Variants in GALNT1 observed in about 807,000 individuals in gnomAD.
GALNT1 encodes polypeptide N-acetylgalactosaminyltransferase 1, also known as GalNAc transferase 1.
Under a neutral mutation model 65.7 loss-of-function variants are expected in GALNT1, and 17 were observed. The ratio of observed to expected loss-of-function variants is 0.26; its 90% CI spans 0.18 to 0.39. GALNT1 has a LOEUF of 0.39. Ranked by LOEUF, GALNT1 falls within the 10% of genes least tolerant of loss-of-function variation. The pLI is 1.00. For missense variants in GALNT1, 460 were observed against 672.8 expected (o/e 0.68, Z 3.50); for synonymous variants, 210 against 219.7 (o/e 0.96, Z 0.39).
chr18:35,617,175 T>C (rs2046793804), intron 1 of GALNT1, among the ~76,000 whole-genome samples: 1 of 152,152 alleles, frequency 6.6e-6, no homozygotes, highest in African/African-American at 2.4e-5. Flanking sequence ...AATCATTTAT[T>C]ACAGGTATTT....
intron 1 of GALNT1, among the ~76,000 whole-genome samples, chr18:35,636,763 T>G (rs1440836276): frequency 6.7e-6 from 1 of 149,878 alleles, no homozygotes; most frequent in Non-Finnish European, 1.5e-5. Context: ...TGTTTTATTG[T>G]ACTTCACAGA....
chr18:35,653,323 G>A (rs2047334521), intron 1 of GALNT1, among the ~76,000 whole-genome samples: 1 of 152,206 alleles, frequency 6.6e-6, no homozygotes, highest in African/African-American at 2.4e-5. Flanking sequence ...TTGCTCTCTA[G>A]CAACCTTGTG....
intron 1 of GALNT1, among the ~76,000 whole-genome samples, chr18:35,631,091 C>A (rs2047001176): frequency 6.6e-6 from 1 of 152,136 alleles, no homozygotes; most frequent in Non-Finnish European, 1.5e-5. Flanking sequence ...AAGTCCAGAA[C>A]CGGCAGATTC....
At chr18:35,702,422 C>T (rs1379505179) in intron 9 of GALNT1, among the ~76,000 whole-genome samples, 1 of 152,134 alleles carries the variant, frequency 6.6e-6, no homozygotes, top group Non-Finnish European at 1.5e-5. Flanking sequence ...ATGTAATCCA[C>T]AAATGTCTAG....
chr18:35,687,961 C>CA (rs2047894294), intron 6 of GALNT1, among the ~76,000 whole-genome samples: 1 of 152,170 alleles, frequency 6.6e-6, no homozygotes, highest in African/African-American at 2.4e-5. Flanking sequence ...AAGAGATTTT[C>CA]CACTGACTGT....
At chr18:35,582,699 G>T (rs575888900) in intron 1 of GALNT1, among the ~76,000 whole-genome samples, 2 of 152,288 alleles carry the variant, frequency 1.3e-5, no homozygotes, top group Non-Finnish European at 2.9e-5. Flanking sequence ...CTTTATAATC[G>T]TGTCAAGAAC....
chr18:35,644,479 AGAAT>A (rs1555647099), intron 1 of GALNT1, among the ~76,000 whole-genome samples: 2 of 152,214 alleles, frequency 1.3e-5, no homozygotes, highest in Non-Finnish European at 2.9e-5. Flanking sequence ...GGGGTAAGCC[AGAAT>A]AGCTGCTACT....
chr18:35,676,473 A>G (rs2047712376), intron 3 of GALNT1, among the ~76,000 whole-genome samples: 1 of 152,132 alleles, frequency 6.6e-6, no homozygotes, highest in Non-Finnish European at 1.5e-5. Flanking sequence ...TCCAACTGCC[A>G]ACTGGCAGCC....
intron 1 of GALNT1, among the ~76,000 whole-genome samples, chr18:35,582,366 G>T (rs951685467): frequency 6.6e-6 from 1 of 152,136 alleles, no homozygotes; most frequent in Non-Finnish European, 1.5e-5. Flanking sequence ...TAGCTTTTCC[G>T]CTTTTCCTGG....
intron 3 of GALNT1, among the ~76,000 whole-genome samples, chr18:35,668,325 G>C (rs902443955): frequency 1.3e-5 from 2 of 152,100 alleles, no homozygotes; most frequent in African/African-American, 4.8e-5. Flanking sequence ...TCCATAAAAG[G>C]TGGCGTCATT....
intron 1 of GALNT1, among the ~76,000 whole-genome samples, chr18:35,646,738 T>C (rs1281211231): frequency 6.6e-6 from 1 of 152,220 alleles, no homozygotes; most frequent in Non-Finnish European, 1.5e-5. Context: ...GTATTTTGTG[T>C]GTTTCTTTTA....
intron 1 of GALNT1, among the ~76,000 whole-genome samples, chr18:35,645,457 TCTC>T (rs1344644192): frequency 6.6e-6 from 1 of 151,936 alleles, no homozygotes; most frequent in African/African-American, 2.4e-5. Flanking sequence ...ATGGTCTCGA[TCTC>T]CTGACCTCCT....
chr18:35,635,434 C>G (rs1167969677), intron 1 of GALNT1, among the ~76,000 whole-genome samples: 2 of 152,176 alleles, frequency 1.3e-5, no homozygotes, highest in Admixed American at 6.5e-5. Flanking sequence ...CATCCTGACT[C>G]ACTGCCTGGA....
chr18:35,610,026 C>A (rs1163211592), intron 1 of GALNT1, among the ~76,000 whole-genome samples: 1 of 152,132 alleles, frequency 6.6e-6, no homozygotes, highest in Non-Finnish European at 1.5e-5. Flanking sequence ...TGAAGATACA[C>A]TTTTATGGAT....
At chr18:35,593,662 C>G (rs1272982283) in intron 1 of GALNT1, among the ~76,000 whole-genome samples, 2 of 151,882 alleles carry the variant, frequency 1.3e-5, no homozygotes, top group Non-Finnish European at 2.9e-5. Context: ...TATGCTCAGT[C>G]AGTGGTGGCA....
At chr18:35,699,280 A>G (rs1260050409) in intron 9 of GALNT1, among the ~76,000 whole-genome samples, 3 of 152,236 alleles carry the variant, frequency 2.0e-5, no homozygotes, top group Non-Finnish European at 4.4e-5. Context: ...TAAGGAGAAT[A>G]TCAGGACCAT....
At chr18:35,609,017 A>G (rs963570984) in intron 1 of GALNT1, among the ~76,000 whole-genome samples, 1 of 152,236 alleles carries the variant, frequency 6.6e-6, no homozygotes, top group Non-Finnish European at 1.5e-5. Context: ...TCACATATGT[A>G]TAATGCTTTA....
Position 35,706,357 on chromosome 18 carries a change from A to G in GALNT1, c.1533+2714A>G, listed in dbSNP as rs112634595. Reference sequence around the variant, plus strand: ...ACTAAAAATACAAAAAATACACCATACAGGCATGGTGGCAGGCACCTGTAG... The same window carrying G: ...ACTAAAAATACAAAAAATACACCATGCAGGCATGGTGGCAGGCACCTGTAG... On this transcript the variant is annotated intron_variant, in intron 11 of 11. Coordinates refer to ENST00000269195, the MANE Select transcript of GALNT1 (RefSeq NM_020474.4). 2.7e-3 allele frequency among the ~76,000 whole-genome samples: 404 copies of G among 152,050 alleles called. 5 individuals are homozygous for G. The highest frequency in any genetic ancestry group is 9.0e-3 in the African/African-American group (373 of 41,476).
chr18:35,585,120 G>A (rs1238831833), intron 1 of GALNT1, among the ~76,000 whole-genome samples: 2 of 152,238 alleles, frequency 1.3e-5, no homozygotes, highest in East Asian at 3.9e-4. Flanking sequence ...TGGGGAGGAC[G>A]GCTTCTCTGG....
Sources: gnomAD v4.1 joint callset for allele counts (sites outside exome capture counted in the v4.1 genomes callset) on GRCh38, gnomAD v4.1.1 for gene constraint, MANE v1.5 for transcripts, NCBI Gene and HGNC (gene_info 2026-07-23, HGNC 2026-07-21) for gene names.